KCNT2: variants seen among roughly 807,000 people sequenced by gnomAD.
KCNT2 encodes the protein potassium sodium-activated channel subfamily T member 2.
Under a neutral mutation model 153.8 loss-of-function variants are expected in KCNT2, and 67 were observed. The ratio of observed to expected loss-of-function variants is 0.44; its 90% CI spans 0.36 to 0.53. The LOEUF is 0.53. KCNT2 is among the 20% of genes least tolerant of loss of function. KCNT2 has a pLI of 0.00. For synonymous variants in KCNT2, 500 were observed against 458.8 expected (o/e 1.09, Z -1.15); for missense variants, 975 against 1,354.8 (o/e 0.72, Z 4.40).
chr1:196,554,305 G>T (rs573918735), intron 1 of KCNT2, among the ~76,000 whole-genome samples: 18 of 150,978 alleles, frequency 1.2e-4, no homozygotes, highest in Admixed American at 2.0e-4. Context: ...AAATCAAATC[G>T]GAGATGAAAA....
chr1:196,574,829 G>GT (rs1039215119), intron 1 of KCNT2, among the ~76,000 whole-genome samples: 13 of 151,716 alleles, frequency 8.6e-5, no homozygotes, highest in African/African-American at 3.1e-4. Context: ...CATAAGAAGG[G>GT]TTTTTTCTTT....
chr1:196,300,589 T>C (rs961897765), intron 22 of KCNT2, among the ~76,000 whole-genome samples: 2 of 152,030 alleles, frequency 1.3e-5, no homozygotes, highest in African/African-American at 2.4e-5. Flanking sequence ...ATCTGAAAAA[T>C]AGGCCTTGCT....
intron 23 of KCNT2, among the ~76,000 whole-genome samples, chr1:196,282,846 T>C (rs557821561): frequency 6.6e-6 from 1 of 152,172 alleles, no homozygotes; most frequent in South Asian, 2.1e-4. Context: ...GCCTTCTATT[T>C]ATTTATTTAT....
chr1:196,229,113 C>T (rs966697629), intron 27 of KCNT2, among the ~76,000 whole-genome samples: 1 of 152,004 alleles, frequency 6.6e-6, no homozygotes, highest in African/African-American at 2.4e-5. Context: ...TACAGGCATG[C>T]CTTTTTTATT....
intron 5 of KCNT2, among the ~76,000 whole-genome samples, chr1:196,470,819 G>C (rs947849654): frequency 3.4e-4 from 51 of 151,928 alleles, no homozygotes; most frequent in Middle Eastern, 3.4e-3. Flanking sequence ...ATAGGGAGAA[G>C]CCATCTTAAA....
At chr1:196,379,996 C>G (rs894007191) in intron 13 of KCNT2, among the ~76,000 whole-genome samples, 5 of 152,138 alleles carry the variant, frequency 3.3e-5, no homozygotes, top group African/African-American at 1.2e-4. Flanking sequence ...TATCTTGAAA[C>G]AAATGCCAAC....
intron 12 of KCNT2, among the ~76,000 whole-genome samples, chr1:196,414,086 T>TA (rs1035811121): frequency 2.0e-5 from 3 of 151,376 alleles, no homozygotes; most frequent in African/African-American, 4.8e-5. Context: ...ATCATATATA[T>TA]AAAAAAAAGT....
intron 22 of KCNT2, among the ~76,000 whole-genome samples, chr1:196,303,391 T>C (rs976133568): frequency 6.6e-6 from 1 of 152,164 alleles, no homozygotes. Context: ...TTGACTGGCA[T>C]ATATACCTCA....
chr1:196,590,414 T>A (rs1663202705), intron 1 of KCNT2, among the ~76,000 whole-genome samples: 1 of 152,142 alleles, frequency 6.6e-6, no homozygotes, highest in Admixed American at 6.6e-5. Flanking sequence ...AATTATGAGA[T>A]GGCTTGTTAT....
At chr1:196,582,760 T>C (rs1662218002) in intron 1 of KCNT2, among the ~76,000 whole-genome samples, 1 of 152,064 alleles carries the variant, frequency 6.6e-6, no homozygotes, top group Admixed American at 6.6e-5. Flanking sequence ...CAGGCAAGGA[T>C]ACAGATGAAC....
chr1:196,289,236 C>T (rs1659963238), intron 22 of KCNT2, among the ~76,000 whole-genome samples: 1 of 152,024 alleles, frequency 6.6e-6, no homozygotes, highest in African/African-American at 2.4e-5. Flanking sequence ...ATTACCTCCC[C>T]AAAGAGGTAT....
intron 1 of KCNT2, among the ~76,000 whole-genome samples, chr1:196,581,005 T>G (rs1413032907): frequency 6.6e-6 from 1 of 152,142 alleles, no homozygotes; most frequent in Non-Finnish European, 1.5e-5. Context: ...CAAGAACATT[T>G]TTTAAAGAAC....
chr1:196,333,452 A>T (rs1460144237), intron 17 of KCNT2, among the ~76,000 whole-genome samples: 2 of 152,106 alleles, frequency 1.3e-5, no homozygotes, highest in Admixed American at 1.3e-4. Flanking sequence ...TTTTCATTTC[A>T]TTGAATAATT....
rs774558658 is a variant in KCNT2 at position 196,258,207 on chromosome 1, A to G, written c.3198T>C (p.Ser1066=). ...VKNRMKHLGL[S]TVGYDEMNDH... Reference sequence around the variant, plus strand: ...TAAAGAGCATACCATATCCCACTGTAGAAAGACCCAAGTGTTTCATTCTAT... The same window carrying G: ...TAAAGAGCATACCATATCCCACTGTGGAAAGACCCAAGTGTTTCATTCTAT... Residue 1066 remains serine (S), a synonymous_variant, in exon 26 of 28, where the codon TCT becomes TCC. Coordinates refer to ENST00000294725, the MANE Select transcript of KCNT2 (RefSeq NM_198503.5). 2 of 1,613,876 alleles carry G rather than the reference A, an allele frequency of 1.2e-6. No individual in the cohort carries two copies. The highest frequency in any genetic ancestry group is 1.7e-6 in the Non-Finnish European group (2 of 1,179,810).
chr1:196,413,598 G>C lies in KCNT2; in HGVS notation c.1185+9452C>G, dbSNP rs74136540. Among the ~76,000 whole-genome samples the C allele has an allele frequency of 7.3e-5, 11 of 151,534 alleles. No individual in the cohort carries two copies. In the Admixed American group the frequency reaches 7.3e-4, roughly 10 times the overall value. The stretch of plus-strand genomic sequence containing the variant: ...ATTCTGGGCATCTTCTTTAAAAAGC[G>C]TATGTCATGTGCTTTATTGTTTTAA... On this transcript the variant is annotated intron_variant, in intron 12 of 27. Coordinates refer to ENST00000294725, the MANE Select transcript of KCNT2 (RefSeq NM_198503.5).
rs1254116932 is a variant in KCNT2 at position 196,391,182 on chromosome 1, A to G, written c.1294+7381T>C. On this transcript the variant is annotated intron_variant, in intron 13 of 27. Transcript: ENST00000294725. ...TTGGAGTGGTATTCTTGGGAAGTAT[A>G]TAAAAGTGCATTGACTTTTTTACAG... Among the ~76,000 whole-genome samples the G allele has an allele frequency of 2.6e-5, 4 of 151,366 alleles. No homozygotes were observed. In the Admixed American group the frequency reaches 2.6e-4, roughly 10 times the overall value.
rs56943556 is a variant in KCNT2, at chr1:196,487,409, AGTGTGT to A, written c.275+2423_275+2428del. 9.9e-4 allele frequency among the ~76,000 whole-genome samples: 145 copies of A among 146,542 alleles called. 1 individual carries two copies. Among genetic ancestry groups the A allele is most frequent in the Middle Eastern group, 3.5e-3 (1 of 286 alleles). ...ACATATAGTACCTACCATGTTATGG[AGTGTGT>A]GTGTGTGTGTGTGTGTGTGTATGTA... On this transcript the variant is annotated intron_variant, in intron 3 of 27. Transcript: ENST00000294725.
chr1:196,548,111 A>G (rs1431103356), intron 1 of KCNT2, among the ~76,000 whole-genome samples: 1 of 151,464 alleles, frequency 6.6e-6, no homozygotes, highest in Non-Finnish European at 1.5e-5. Flanking sequence ...AGAAAATAAT[A>G]ATAACTAAAA....
rs1657043100 is a variant in KCNT2, at chr1:196,261,732, T to G, written c.2911-3238A>C. Among the ~76,000 whole-genome samples, 2 of 152,082 alleles carry G rather than the reference T, an allele frequency of 1.3e-5. 1 individual carries two copies. The highest frequency in any genetic ancestry group is 4.1e-4 in the South Asian group (2 of 4,822). ...ACAAATTTTAAAGTGAAAGTGAATA[T>G]TTTTCATTCTGCACAGTTTCTATGA... On this transcript the variant is annotated intron_variant, in intron 25 of 27. Transcript: ENST00000294725.
Sources: allele counts gnomAD v4.1 joint callset (sites outside exome capture counted in the v4.1 genomes callset), GRCh38; gene constraint gnomAD v4.1.1; transcripts MANE v1.5; gene names NCBI Gene and HGNC (gene_info 2026-07-23, HGNC 2026-07-21).